The following FAM151B variants were observed in gnomAD, a reference collection of about 807,000 sequenced individuals.
FAM151B encodes the protein protein FAM151B.
In FAM151B, 24 loss-of-function variants were observed where a neutral mutation model predicts 31.2. The ratio of observed to expected loss-of-function variants is 0.77; its 90% CI spans 0.56 to 1.08. FAM151B has a LOEUF of 1.08. Ranked by LOEUF, FAM151B falls within the 50% of genes least tolerant of loss-of-function variation. The probability of loss-of-function intolerance (pLI) is 0.00; values close to 1 mark genes in which losing one functional copy is unlikely to be tolerated. For missense variants in FAM151B, 293 were observed against 328.6 expected (o/e 0.89, Z 0.84); for synonymous variants, 105 against 111.4 (o/e 0.94, Z 0.36).
chr5:80,530,044 A>G lies in FAM151B; in HGVS notation c.671+7906A>G, dbSNP rs182313439. ...TCAAAAAGCTTATCCAGCACGATCA[A>G]GTGGGCTTCATCCCTAGGATGCAAG... On this transcript the variant is annotated intron_variant, in intron 5 of 5. Coordinates refer to ENST00000282226, the MANE Select transcript of FAM151B (RefSeq NM_205548.3). Among the ~76,000 whole-genome samples, 54 of 134,796 alleles carry G rather than the reference A, an allele frequency of 4.0e-4. No individual in the cohort carries two copies. In the Middle Eastern group the frequency reaches 0.011, roughly 28 times the overall value. 88.4% of individuals were successfully genotyped at this position (134,796 alleles called of 152,430 possible).
At chr5:80,538,450 C>CTTTCTTTCTT (rs1213233914) in intron 5 of FAM151B, among the ~76,000 whole-genome samples, 1 of 69,926 alleles carries the variant, frequency 1.4e-5, no homozygotes. Context: ...CTTTCTTTCT[C>CTTTCTTTCTT]TTTCTTTCTT....
intron 5 of FAM151B, among the ~76,000 whole-genome samples, chr5:80,530,989 C>T (rs1340602621): frequency 6.6e-5 from 10 of 152,112 alleles, no homozygotes; most frequent in African/African-American, 1.4e-4. Flanking sequence ...TCAAACTATA[C>T]GACAAGGCTG....
In FAM151B at chr5:80,541,886, T is replaced by C; in HGVS notation, c.*54T>C. The C allele has an allele frequency of 1.3e-6, 2 of 1,519,644 alleles. No individual in the cohort carries two copies. Among genetic ancestry groups the C allele is most frequent in the Non-Finnish European group, 1.8e-6 (2 of 1,121,706 alleles). 94.1% of individuals were successfully genotyped at this position (1,519,644 alleles called of 1,614,324 possible). Reference sequence around the variant, plus strand: ...TTTGGTTTCATAATCCTTCTCTCCATTGGTCTGAATTAATTACCATATAAA... The same window carrying C: ...TTTGGTTTCATAATCCTTCTCTCCACTGGTCTGAATTAATTACCATATAAA... On this transcript the variant is annotated 3_prime_UTR_variant, in exon 6 of 6. Coordinates refer to ENST00000282226, the MANE Select transcript of FAM151B (RefSeq NM_205548.3).
At chr5:80,531,712 G>A (rs568494348) in intron 5 of FAM151B, among the ~76,000 whole-genome samples, 24 of 152,302 alleles carry the variant, frequency 1.6e-4, no homozygotes, top group African/African-American at 5.3e-4. Flanking sequence ...AGTTAGAATG[G>A]CAATCATTAG....
chr5:80,542,053 C>T lies in FAM151B; in HGVS notation c.*221C>T. ...GATTTATTTACACACGTGGCCTAGT[C>T]TAATAATAATTCAGGAAAATGATAC... On this transcript the variant is annotated 3_prime_UTR_variant, in exon 6 of 6. Coordinates refer to ENST00000282226, the MANE Select transcript of FAM151B (RefSeq NM_205548.3). 2.1e-6 allele frequency: 1 copy of T among 470,300 alleles called. No homozygotes were observed. The highest frequency in any genetic ancestry group is 3.7e-6 in the Non-Finnish European group (1 of 268,302). 29.1% of individuals were successfully genotyped at this position (470,300 alleles called of 1,614,324 possible). A position where few individuals can be genotyped will look rare whatever the true frequency, so the allele number is the denominator to read the frequency against.
intron 1 of FAM151B, chr5:80,498,548 G>T: frequency 9.3e-7 from 1 of 1,073,648 alleles, no homozygotes; most frequent in Non-Finnish European, 1.4e-6. Flanking sequence ...CTTCTGGTTT[G>T]TTGAAGCAGT....
At chr5:80,495,309 A>G (rs1290195457) in intron 1 of FAM151B, 2 of 152,190 alleles carry the variant, frequency 1.3e-5, no homozygotes, top group Non-Finnish European at 2.9e-5. Flanking sequence ...AAGTCTTATT[A>G]TTTGAGAAAT....
At chr5:80,521,982 A>T (rs757555759) in intron 4 of FAM151B, 21 bp from the exon 5 acceptor site, 2 of 1,516,354 alleles carry the variant, frequency 1.3e-6, no homozygotes, top group African/African-American at 1.4e-5. Context: ...ATAAAGTTAA[A>T]TTTTTTTCTT....
intron 5 of FAM151B, among the ~76,000 whole-genome samples, chr5:80,534,257 C>T (rs181269250): frequency 6.6e-6 from 1 of 151,992 alleles, no homozygotes; most frequent in African/African-American, 2.4e-5. Flanking sequence ...ACTCATTCTA[C>T]AAGGCCAGCA....
intron 3 of FAM151B, among the ~76,000 whole-genome samples, chr5:80,515,215 C>T (rs532567945): frequency 2.0e-5 from 3 of 151,250 alleles, no homozygotes; most frequent in Non-Finnish European, 4.4e-5. Context: ...ACTCCAGCCT[C>T]GGCAACAAGA....
intron 2 of FAM151B, 146 bp from the exon 3 acceptor site, chr5:80,513,458 A>T: frequency 2.9e-6 from 2 of 699,460 alleles, no homozygotes; most frequent in Non-Finnish European, 4.6e-6. Context: ...GACCTTGTAT[A>T]CTGCCTGGCA....
At chr5:80,499,683 CAG>C (rs1162970224) in intron 1 of FAM151B, among the ~76,000 whole-genome samples, 1 of 151,608 alleles carries the variant, frequency 6.6e-6, no homozygotes, top group Non-Finnish European at 1.5e-5. Context: ...TTCTGATGTT[CAG>C]ACTATCCTAT....
chr5:80,536,224 G>A (rs1245380837), intron 5 of FAM151B, among the ~76,000 whole-genome samples: 1 of 152,138 alleles, frequency 6.6e-6, no homozygotes, highest in Non-Finnish European at 1.5e-5. Context: ...AGGCTGGAGT[G>A]CAATGGCGTG....
intron 1 of FAM151B, among the ~76,000 whole-genome samples, chr5:80,493,485 A>G (rs911287799): frequency 2.6e-5 from 4 of 152,210 alleles, no homozygotes; most frequent in Non-Finnish European, 5.9e-5. Flanking sequence ...GTTGGGCAGA[A>G]TCGAGCCATA....
chr5:80,525,018 C>A (rs998468710), intron 5 of FAM151B, among the ~76,000 whole-genome samples: 4 of 152,268 alleles, frequency 2.6e-5, no homozygotes, highest in East Asian at 1.9e-4. Context: ...GAAGCCTGTA[C>A]TTTCTGGAGA....
chr5:80,501,686 C>A, intron 1 of FAM151B, 106 bp from the exon 2 acceptor site: 1 of 683,758 alleles, frequency 1.5e-6, no homozygotes, highest in Non-Finnish European at 2.4e-6. Flanking sequence ...ATATATATAT[C>A]ACATAACAGC....
intron 3 of FAM151B, among the ~76,000 whole-genome samples, chr5:80,516,515 G>C (rs1744449212): frequency 6.6e-6 from 1 of 152,068 alleles, no homozygotes; most frequent in Non-Finnish European, 1.5e-5. Flanking sequence ...ATATTTAGAA[G>C]TTTGATTTAC....
chr5:80,500,863 C>T, intron 1 of FAM151B: 1 of 991,136 alleles, frequency 1.0e-6, no homozygotes, highest in East Asian at 2.4e-5. Flanking sequence ...TGTTCCATCT[C>T]TTGGTAAATA....
intron 1 of FAM151B, among the ~76,000 whole-genome samples, chr5:80,498,097 A>G (rs569243014): frequency 6.2e-4 from 95 of 152,296 alleles, no homozygotes; most frequent in African/African-American, 2.2e-3. Flanking sequence ...CACATATTCT[A>G]TCATGCATAT....
Sources: allele counts gnomAD v4.1 joint callset (sites outside exome capture counted in the v4.1 genomes callset), GRCh38; gene constraint gnomAD v4.1.1; transcripts MANE v1.5; gene names NCBI Gene and HGNC (gene_info 2026-07-23, HGNC 2026-07-21).